NFX1: variants seen among roughly 807,000 people sequenced by gnomAD.
NFX1 encodes the protein transcriptional repressor NF-X1.
Under a neutral mutation model 137.2 loss-of-function variants are expected in NFX1, and 69 were observed. The observed-to-expected ratio is 0.50, with a 90% CI of 0.41 to 0.61. NFX1 has a LOEUF of 0.61. NFX1 is among the 20% of genes least tolerant of loss of function. NFX1 has a pLI of 0.00. For missense variants in NFX1, 1,167 were observed against 1,391.0 expected (o/e 0.84, Z 2.56); for synonymous variants, 495 against 474.1 (o/e 1.04, Z -0.57).
At chr9:33,334,398 G>C (rs1387854722) in intron 11 of NFX1, among the ~76,000 whole-genome samples, 1 of 152,230 alleles carries the variant, frequency 6.6e-6, no homozygotes, top group African/African-American at 2.4e-5. Flanking sequence ...TGAGGTTGCA[G>C]TGAGCTGTGA....
intron 1 of NFX1, among the ~76,000 whole-genome samples, chr9:33,293,165 C>T (rs143659134): frequency 1.7e-4 from 26 of 152,332 alleles, no homozygotes; most frequent in African/African-American, 6.0e-4. Context: ...GTTGGAACCC[C>T]GAGTCTTCCT....
chr9:33,328,594 C>A lies in NFX1; in HGVS notation c.1920C>A (p.Thr640=), dbSNP rs761011350. The A allele has an allele frequency of 3.7e-6, 6 of 1,609,388 alleles. No individual in the cohort carries two copies. The East Asian group carries it at 1.1e-4, about 30-fold the overall frequency. ...LPCGSLDFIH[T]CEKLCHEGDC... ...TTTTTATTAAAGATTTCATTCATAC[C>A]TGTGAAAAGCTCTGCCATGAAGGAG... The change falls in exon 10 of 24, where the codon ACC becomes ACA. Residue 640 remains threonine (T), a synonymous_variant. Coordinates refer to ENST00000379540, the MANE Select transcript of NFX1 (RefSeq NM_002504.6).
At chr9:33,307,715 G>A (rs1056257957) in intron 5 of NFX1, among the ~76,000 whole-genome samples, 4 of 152,090 alleles carry the variant, frequency 2.6e-5, no homozygotes, top group African/African-American at 9.7e-5. Context: ...CTTCTGTCTG[G>A]GGAAAGACAA....
intron 23 of NFX1, among the ~76,000 whole-genome samples, chr9:33,369,259 G>T (rs1160108961): frequency 6.6e-6 from 1 of 151,980 alleles, no homozygotes; most frequent in Non-Finnish European, 1.5e-5. Flanking sequence ...TAGAAACGGG[G>T]TTTCACCATG....
At chr9:33,331,646 C>A (rs1457033475) in intron 10 of NFX1, among the ~76,000 whole-genome samples, 6 of 148,992 alleles carry the variant, frequency 4.0e-5, no homozygotes, top group Admixed American at 2.0e-4. Context: ...AGCCAAGAAC[C>A]TTTTATTGCT....
chr9:33,296,798 T>C (rs1587815222), intron 2 of NFX1, among the ~76,000 whole-genome samples: 1 of 152,366 alleles, frequency 6.6e-6, no homozygotes, highest in East Asian at 1.9e-4. Context: ...GTTAATCTCT[T>C]ACAGCCCTCA....
At chr9:33,356,865 C>T (rs1401472935) in intron 19 of NFX1, among the ~76,000 whole-genome samples, 2 of 151,888 alleles carry the variant, frequency 1.3e-5, no homozygotes, top group African/African-American at 4.8e-5. Context: ...GTGGTGCACA[C>T]CTGTAGTCCC....
intron 14 of NFX1, 68 bp from the exon 15 acceptor site, chr9:33,346,970 A>G (rs370254207): frequency 1.6e-6 from 2 of 1,227,192 alleles, no homozygotes; most frequent in East Asian, 2.4e-5. Flanking sequence ...TGCCACTTAT[A>G]TGATGTATAA....
In NFX1 at chr9:33,353,130, T is replaced by C. The variant is rs1279123934; in HGVS notation, c.2729+411T>C. Among the ~76,000 whole-genome samples the C allele has an allele frequency of 3.3e-5, 5 of 152,336 alleles. No homozygotes were observed. The East Asian group carries it at 9.6e-4, about 29-fold the overall frequency. On this transcript the variant is annotated intron_variant, in intron 17 of 23. Transcript: ENST00000379540. ...TTTATATACCTTTTCTTCCCTAACT[T>C]TAGTGTGTAAAATAACTTTGAAATT...
chr9:33,358,881 TAGAGATGGC>T (rs1265317546), intron 19 of NFX1, among the ~76,000 whole-genome samples: 2 of 151,470 alleles, frequency 1.3e-5, no homozygotes, highest in Non-Finnish European at 2.9e-5. Context: ...TTTTTTTTGG[TAGAGATGGC>T]ATCTCGCTAT....
intron 11 of NFX1, among the ~76,000 whole-genome samples, chr9:33,334,318 A>G (rs916417346): frequency 2.0e-5 from 3 of 152,196 alleles, no homozygotes; most frequent in African/African-American, 4.8e-5. Flanking sequence ...TTAGCCAGGC[A>G]TAGTGGCATG....
chr9:33,299,144 T>C (rs756690663), intron 2 of NFX1, among the ~76,000 whole-genome samples: 19 of 152,220 alleles, frequency 1.2e-4, no homozygotes, highest in Non-Finnish European at 2.5e-4. Flanking sequence ...TGTTAACGTC[T>C]TACATAACCA....
intron 3 of NFX1, among the ~76,000 whole-genome samples, chr9:33,302,967 CTTT>C (rs35723578): frequency 9.2e-5 from 11 of 119,282 alleles, no homozygotes; most frequent in Admixed American, 1.7e-4. Context: ...CACACCTGGC[CTTT>C]TTTTTTTTTT....
intron 14 of NFX1, among the ~76,000 whole-genome samples, chr9:33,344,964 C>A (rs1257246888): frequency 2.6e-5 from 4 of 152,074 alleles, no homozygotes; most frequent in African/African-American, 9.7e-5. Flanking sequence ...GAGTTCGAGA[C>A]CACTCTGGCC....
intron 23 of NFX1, among the ~76,000 whole-genome samples, chr9:33,369,511 T>C (rs1298099116): frequency 6.6e-6 from 1 of 152,246 alleles, no homozygotes; most frequent in African/African-American, 2.4e-5. Context: ...AGCTCATGTT[T>C]GTCCCACTAT....
intron 2 of NFX1, among the ~76,000 whole-genome samples, chr9:33,298,035 A>G (rs1821420758): frequency 6.6e-6 from 1 of 152,220 alleles, no homozygotes; most frequent in Non-Finnish European, 1.5e-5. Context: ...TTGCATAAAT[A>G]CTATATACCA....
chr9:33,322,903 A>G (rs2118420108), intron 9 of NFX1, among the ~76,000 whole-genome samples: 2 of 152,364 alleles, frequency 1.3e-5, no homozygotes, highest in Middle Eastern at 6.8e-3. Flanking sequence ...AATCAGGGAA[A>G]GGTAGCTAAG....
At chr9:33,296,760 G>A (rs1821372710) in intron 2 of NFX1, among the ~76,000 whole-genome samples, 1 of 152,110 alleles carries the variant, frequency 6.6e-6, no homozygotes, top group Non-Finnish European at 1.5e-5. Context: ...ACATGTCCAG[G>A]GAACCTTTTC....
At chr9:33,334,463 TAAAAC>T (rs771452514) in intron 11 of NFX1, among the ~76,000 whole-genome samples, 17 of 151,890 alleles carry the variant, frequency 1.1e-4, no homozygotes, top group Admixed American at 2.0e-4. Context: ...TCTAAAACAA[TAAAAC>T]AAAATAATAA....
Sources: allele counts gnomAD v4.1 joint callset (sites outside exome capture counted in the v4.1 genomes callset), GRCh38; gene constraint gnomAD v4.1.1; transcripts MANE v1.5; gene names NCBI Gene and HGNC (gene_info 2026-07-23, HGNC 2026-07-21).